The following VIM variants were observed in gnomAD, a reference collection of about 807,000 sequenced individuals.
The protein encoded by VIM is vimentin.
A neutral mutation model predicts 50.3 loss-of-function variants in VIM; 18 were observed. That is an observed-to-expected ratio of 0.36 (90% CI 0.25 to 0.53). The LOEUF (loss-of-function observed/expected upper bound fraction) is 0.53, where lower values mean the gene tolerates loss of function less well. Among genes scored for constraint, VIM ranks in the 20% least tolerant of loss-of-function variants. The pLI is 0.91. For synonymous variants in VIM, 245 were observed against 248.5 expected (o/e 0.99, Z 0.13); for missense variants, 551 against 614.7 (o/e 0.90, Z 1.10).
At chr10:17,229,204 G>A (rs1243033489) in intron 1 of VIM, 72 bp from the exon 2 acceptor site, 3 of 338,048 alleles carry the variant, frequency 8.9e-6, no homozygotes, top group Non-Finnish European at 1.6e-5. Flanking sequence ...GCGCTCCGCG[G>A]CTGGGATGGC....
At position 17,235,162 on chromosome 10, in the gene VIM, C is replaced by T. The variant is rs748657664; in HGVS notation, c.1009-7C>T. On this transcript the variant is annotated splice_region_variant and splice_polypyrimidine_tract_variant and intron_variant, in intron 6 of 9. Transcript: ENST00000544301. ...ATAACACCAGACATCTTTCTCACCC[C>T]CTGCAGAATGAGTCCCTGGAACGCC... The T allele has an allele frequency of 1.2e-6, 2 of 1,613,992 alleles. No homozygotes were observed. Among genetic ancestry groups the T allele is most frequent in the East Asian group, 2.2e-5 (1 of 44,898 alleles).
chr10:17,236,626 T>A (rs1846893727), intron 9 of VIM, among the ~76,000 whole-genome samples: 1 of 152,210 alleles, frequency 6.6e-6, no homozygotes, highest in African/African-American at 2.4e-5. Flanking sequence ...GCTTTGGTGC[T>A]TAATTTGAAG....
intron 3 of VIM, among the ~76,000 whole-genome samples, chr10:17,231,839 A>G (rs1846804275): frequency 6.6e-6 from 1 of 152,124 alleles, no homozygotes; most frequent in Non-Finnish European, 1.5e-5. Flanking sequence ...TGGAATCCAA[A>G]AGCCAGAAGA....
chr10:17,234,887 A>G, intron 6 of VIM, 69 bp downstream of exon 6: 1 of 1,604,414 alleles, frequency 6.2e-7, no homozygotes, highest in Non-Finnish European at 8.5e-7. Flanking sequence ...TCATGATGAT[A>G]CCTGAACAAA....
At chr10:17,235,518 G>A in intron 7 of VIM, 129 bp downstream of exon 7, 10 of 1,010,012 alleles carry the variant, frequency 9.9e-6, no homozygotes, top group Non-Finnish European at 1.2e-5. Context: ...TCCACTTTTT[G>A]TAGAGGAGGA....
intron 8 of VIM, 122 bp from the exon 9 acceptor site, chr10:17,236,170 GGC>G: frequency 2.3e-6 from 2 of 865,228 alleles, no homozygotes; most frequent in Non-Finnish European, 3.9e-6. Context: ...AAAATTATTT[GGC>G]GAGTAGTACT....
chr10:17,233,700 C>T lies in VIM; in HGVS notation c.720+18C>T, dbSNP rs7096093. 4,168 of 1,614,058 alleles carry T rather than the reference C, an allele frequency of 2.6e-3. 85 individuals carry two copies. In the African/African-American group the frequency reaches 0.047, roughly 18 times the overall value. ...ACGAAGAGGTTAGTGGAGTGACTTT[C>T]GGGGAATGAATGAGGGTAAGGCAGC... On this transcript the variant is annotated intron_variant, in intron 4 of 9. Coordinates refer to ENST00000544301, the MANE Select transcript of VIM (RefSeq NM_003380.5).
chr10:17,233,935 G>T lies in VIM; in HGVS notation c.882+4G>T. 1.2e-6 allele frequency: 2 copies of T among 1,612,358 alleles called. No individual in the cohort carries two copies. Among genetic ancestry groups the T allele is most frequent in the Non-Finnish European group, 1.7e-6 (2 of 1,179,184 alleles). On this transcript the variant is annotated splice_donor_region_variant and intron_variant, in intron 5 of 9. Transcript: ENST00000544301. ...AGAAGAATGGTACAAATCCAAGGTA[G>T]GAAACAAATCAGTGCGGCTTCAACC...
chr10:17,229,230 T>G (rs537776171), intron 1 of VIM, 46 bp from the exon 2 acceptor site: 21 of 372,526 alleles, frequency 5.6e-5, no homozygotes, highest in South Asian at 4.4e-4. Context: ...GAGGGGACCC[T>G]CTTTCCTAAC....
intron 7 of VIM, 121 bp downstream of exon 7, chr10:17,235,510 C>A: frequency 9.1e-7 from 1 of 1,098,970 alleles, no homozygotes; most frequent in Non-Finnish European, 1.3e-6. Flanking sequence ...AACTGCTTTC[C>A]ACTTTTTGTA....
chr10:17,231,757 A>G (rs1482143504), intron 3 of VIM, among the ~76,000 whole-genome samples: 1 of 143,764 alleles, frequency 7.0e-6, no homozygotes, highest in East Asian at 2.1e-4. Flanking sequence ...ATTTTAACTA[A>G]AGGGTTTTTG....
At chr10:17,236,569 T>A (rs1030767239) in intron 9 of VIM, among the ~76,000 whole-genome samples, 190 bp downstream of exon 9, 3 of 152,246 alleles carry the variant, frequency 2.0e-5, no homozygotes, top group Non-Finnish European at 2.9e-5. Context: ...GGCTCCTGGA[T>A]GTGAAGTTGA....
chr10:17,230,350 C>A (rs1450012202), intron 2 of VIM: 7 of 564,754 alleles, frequency 1.2e-5, no homozygotes, highest in Non-Finnish European at 2.2e-5. Context: ...AATCACCGGG[C>A]GGGAGAAGGA....
At chr10:17,230,962 G>A in intron 3 of VIM, 4 of 453,332 alleles carry the variant, frequency 8.8e-6, no homozygotes, top group South Asian at 8.7e-5. Flanking sequence ...GAGTGCAGTG[G>A]CGAGATCTTG....
At chr10:17,236,488 G>T in intron 9 of VIM, 109 bp downstream of exon 9, 1 of 935,708 alleles carries the variant, frequency 1.1e-6, no homozygotes, top group Non-Finnish European at 1.7e-6. Flanking sequence ...AGAGGTTCAG[G>T]TTTCATTCAT....
chr10:17,230,814 C>T (rs1285228030), intron 3 of VIM, 104 bp downstream of exon 3: 2 of 1,340,730 alleles, frequency 1.5e-6, no homozygotes, highest in East Asian at 4.6e-5. Flanking sequence ...TGCAAAACTT[C>T]AGGGCTGCGC....
intron 3 of VIM, 143 bp downstream of exon 3, chr10:17,230,853 C>G (rs1022590005): frequency 1.2e-6 from 1 of 824,730 alleles, no homozygotes; most frequent in South Asian, 1.4e-5. Flanking sequence ...GGGAAGACCA[C>G]AGGTTGGAGC....
Position 17,237,494 on chromosome 10 carries a change from C to G in VIM, c.*223C>G, listed in dbSNP as rs1307839140. 4 of 525,522 alleles carry G rather than the reference C, an allele frequency of 7.6e-6. No individual in the cohort carries two copies. Among genetic ancestry groups the G allele is most frequent in the Admixed American group, 7.1e-5 (2 of 28,258 alleles). 32.6% of individuals were successfully genotyped at this position (525,522 alleles called of 1,614,324 possible). On this transcript the variant is annotated 3_prime_UTR_variant, in exon 10 of 10. Coordinates refer to ENST00000544301, the MANE Select transcript of VIM (RefSeq NM_003380.5). ...TACAGAAAAATCTTGTGCTAGAATA[C>G]TTTTTAAAAGGTATTTTGAATACCA...
Position 17,230,569 on chromosome 10 carries a change from C to T in VIM, c.564-81C>T, listed in dbSNP as rs757000525. 2.7e-6 allele frequency: 4 copies of T among 1,482,314 alleles called. No homozygotes were observed. The South Asian group carries it at 3.4e-5, about 13-fold the overall frequency. 91.8% of individuals were successfully genotyped at this position (1,482,314 alleles called of 1,614,324 possible). A position where few individuals can be genotyped will look rare whatever the true frequency, so the allele number is the denominator to read the frequency against. ...GCGCAGCTGCTCTGGAGGCGCAGAGCGAATACGTGGTGTTTGGGTGTGGCC... is the reference window on the plus strand; with the variant it reads ...GCGCAGCTGCTCTGGAGGCGCAGAGTGAATACGTGGTGTTTGGGTGTGGCC... On this transcript the variant is annotated intron_variant, in intron 2 of 9. Transcript: ENST00000544301.
Sources: gnomAD v4.1 joint callset for allele counts (sites outside exome capture counted in the v4.1 genomes callset) on GRCh38, gnomAD v4.1.1 for gene constraint, MANE v1.5 for transcripts, NCBI Gene and HGNC (gene_info 2026-07-23, HGNC 2026-07-21) for gene names.